The following BTBD8 variants were observed in gnomAD, a reference collection of about 807,000 sequenced individuals.
BTBD8 encodes BTB domain containing 8, also known as BTB/POZ domain-containing protein 8.
BTBD8 carries 110 observed loss-of-function variants against 162.9 expected under a neutral mutation model. That is an observed-to-expected ratio of 0.68 (90% CI 0.58 to 0.79). The LOEUF is 0.79. Ranked by LOEUF, BTBD8 falls within the 30% of genes least tolerant of loss-of-function variation. The pLI, the probability that BTBD8 is intolerant of heterozygous loss-of-function variation, is 0.00. For synonymous variants in BTBD8, 667 were observed against 716.1 expected (o/e 0.93, Z 1.10); for missense variants, 1,905 against 2,085.4 (o/e 0.91, Z 1.68).
At chr1:92,133,180 T>A (rs753427232) in intron 5 of BTBD8, among the ~76,000 whole-genome samples, 1 of 152,158 alleles carries the variant, frequency 6.6e-6, no homozygotes, top group Non-Finnish European at 1.5e-5. Flanking sequence ...CCATGAGAAG[T>A]GTGGTGTCAT....
chr1:92,144,642 T>A (rs1250335866), intron 7 of BTBD8, among the ~76,000 whole-genome samples: 2 of 151,780 alleles, frequency 1.3e-5, no homozygotes, highest in African/African-American at 4.8e-5. Flanking sequence ...ATCCTGTCTC[T>A]ACAAAAAATT....
chr1:92,158,007 G>A (rs1276390212), intron 9 of BTBD8, among the ~76,000 whole-genome samples: 1 of 152,098 alleles, frequency 6.6e-6, no homozygotes, highest in Non-Finnish European at 1.5e-5. Flanking sequence ...TGTGTCTCTT[G>A]TGACAAGTTT....
At chr1:92,126,147 A>C in intron 4 of BTBD8, 1 of 498,990 alleles carries the variant, frequency 2.0e-6, no homozygotes, top group Non-Finnish European at 4.0e-6. Flanking sequence ...GGAACCAGTC[A>C]AGTTTGAAGA....
At chr1:92,142,408 C>G (rs1009554493) in intron 7 of BTBD8, among the ~76,000 whole-genome samples, 1 of 152,142 alleles carries the variant, frequency 6.6e-6, no homozygotes, top group African/African-American at 2.4e-5. Flanking sequence ...ACCATCCCAC[C>G]CTGGAGCTTC....
Position 92,180,950 on chromosome 1 carries a change from C to G in BTBD8, c.3267C>G (p.Ala1089=). The G allele has an allele frequency of 2.6e-6, 4 of 1,551,476 alleles. No homozygotes were observed. The highest frequency in any genetic ancestry group is 3.5e-6 in the Non-Finnish European group (4 of 1,146,920). Residue 1089 remains alanine, a synonymous_variant, in exon 17 of 18, where the codon GCC becomes GCG. Transcript: ENST00000636805. Reference sequence around the variant, plus strand: ...ATTCAAAATTTTATAGCACCACAGCCCTAAAATACATGGTTTCAAATCCAA... The same window carrying G: ...ATTCAAAATTTTATAGCACCACAGCGCTAAAATACATGGTTTCAAATCCAA... ...NVNSKFYSTT[A]LKYMVSNPNE... is the part of the protein sequence containing the mutation.
intron 2 of BTBD8, among the ~76,000 whole-genome samples, chr1:92,094,185 T>C (rs1648390178): frequency 1.3e-5 from 2 of 152,254 alleles, no homozygotes; most frequent in Non-Finnish European, 2.9e-5. Flanking sequence ...ACTAATCATA[T>C]TCTGTTTTGT....
chr1:92,170,161 T>G (rs1320378747), intron 12 of BTBD8, among the ~76,000 whole-genome samples: 1 of 152,144 alleles, frequency 6.6e-6, no homozygotes, highest in East Asian at 1.9e-4. Context: ...AAGTGCTAAT[T>G]AAAAATACAT....
intron 9 of BTBD8, among the ~76,000 whole-genome samples, chr1:92,160,198 C>G (rs1650247825): frequency 6.6e-6 from 1 of 151,890 alleles, no homozygotes; most frequent in Non-Finnish European, 1.5e-5. Flanking sequence ...TATTCTTCAG[C>G]TCCATGATTT....
intron 2 of BTBD8, among the ~76,000 whole-genome samples, chr1:92,098,471 TA>T (rs1157554436): frequency 6.6e-6 from 1 of 152,232 alleles, no homozygotes; most frequent in Admixed American, 6.5e-5. Flanking sequence ...GGTCATATAG[TA>T]ACCTTTTCAG....
intron 13 of BTBD8, among the ~76,000 whole-genome samples, chr1:92,172,508 G>A (rs1400628634): frequency 2.6e-5 from 4 of 152,128 alleles, no homozygotes; most frequent in Admixed American, 2.6e-4. Flanking sequence ...AAATAAATTT[G>A]TCTTCCCAAA....
At chr1:92,166,883 G>T (rs1318290972) in intron 9 of BTBD8, 75 bp from the exon 10 acceptor site, 3 of 1,397,484 alleles carry the variant, frequency 2.1e-6, no homozygotes, top group Non-Finnish European at 2.9e-6. Context: ...AACAACAAAA[G>T]TATTTGATTT....
intron 6 of BTBD8, chr1:92,139,642 AAC>A: frequency 1.0e-6 from 1 of 974,186 alleles, no homozygotes; most frequent in Non-Finnish European, 1.3e-6. Flanking sequence ...TAAGATTGAG[AAC>A]AGTCTTTATT....
At chr1:92,080,813 C>A in intron 1 of BTBD8, 93 bp downstream of exon 1, 1 of 1,516,736 alleles carries the variant, frequency 6.6e-7, no homozygotes, top group Non-Finnish European at 8.8e-7. Context: ...CCTCCCCCTC[C>A]CTCAGCACTT....
At chr1:92,101,394 A>T (rs1648587503) in intron 2 of BTBD8, among the ~76,000 whole-genome samples, 2 of 152,342 alleles carry the variant, frequency 1.3e-5, no homozygotes, top group Non-Finnish European at 2.9e-5. Flanking sequence ...CCTTCCAAGC[A>T]AATCCCCAGA....
chr1:92,176,087 G>C (rs1193354631), intron 13 of BTBD8, among the ~76,000 whole-genome samples: 1 of 152,002 alleles, frequency 6.6e-6, no homozygotes, highest in Non-Finnish European at 1.5e-5. Flanking sequence ...GTATTGATGT[G>C]CTGTGCTTCC....
At position 92,180,874 on chromosome 1, in the gene BTBD8, A is replaced by G. The variant is rs7523466; in HGVS notation, c.3191A>G (p.Asp1064Gly). The change falls in exon 17 of 18, where the codon GAT becomes GGT. Residue 1064 changes from aspartate (D) to glycine (G), a missense_variant. Asp to Gly is a moderately conservative substitution (Grantham distance 94). Around this residue, in one of 3 missense-constraint regions of BTBD8, gnomAD observed 1,374 missense variants for 1,442.7 expected, o/e 0.95. Transcript: ENST00000636805. ...TTTCCCAATCACAAAGAAACAGATG[A>G]TTGCGATGCAGCTAACATATGTTGT... ...TKFPNHKETD[D>G]CDAANICCHS... 6.7e-4 allele frequency: 1,045 copies of G among 1,551,668 alleles called. 8 individuals are homozygous for G. In the African/African-American group the frequency reaches 0.013, roughly 19 times the overall value.
chr1:92,152,148 G>A (rs1650059375), intron 9 of BTBD8, among the ~76,000 whole-genome samples: 3 of 152,070 alleles, frequency 2.0e-5, no homozygotes, highest in African/African-American at 4.8e-5. Flanking sequence ...AATATAATAT[G>A]ATAAGTGCTC....
chr1:92,096,774 G>C (rs1033681450), intron 2 of BTBD8, among the ~76,000 whole-genome samples: 2 of 152,094 alleles, frequency 1.3e-5, no homozygotes, highest in African/African-American at 4.8e-5. Flanking sequence ...CTGGGCTTAA[G>C]CAGTCCTCCC....
chr1:92,162,727 AG>A (rs1330599363), intron 9 of BTBD8, among the ~76,000 whole-genome samples: 8 of 152,168 alleles, frequency 5.3e-5, no homozygotes, highest in East Asian at 3.9e-4. Context: ...CAGATCCCCC[AG>A]GATCACTTCA....
Sources: gnomAD v4.1 joint callset for allele counts (sites outside exome capture counted in the v4.1 genomes callset) on GRCh38, gnomAD v4.1.1 for gene constraint, gnomAD v4.1.1 regional missense constraint, MANE v1.5 for transcripts, NCBI Gene and HGNC (gene_info 2026-07-23, HGNC 2026-07-21) for gene names.